Variants in HEATR4 observed in about 807,000 individuals in gnomAD.
HEATR4 encodes the protein HEAT repeat-containing protein 4.
Under a neutral mutation model 108.8 loss-of-function variants are expected in HEATR4, and 95 were observed. The ratio of observed to expected loss-of-function variants is 0.87; its 90% CI spans 0.74 to 1.04. The LOEUF is 1.04. Ranked by LOEUF, HEATR4 falls within the 50% of genes least tolerant of loss-of-function variation. HEATR4 has a pLI of 0.00. For missense variants in HEATR4, 1,152 were observed against 1,253.8 expected, an observed-to-expected ratio of 0.92 and a Z score of 1.23; for synonymous variants, 443 against 459.4, an observed-to-expected ratio of 0.96 and a Z score of 0.46.
chr14:73,500,681 G>C lies in HEATR4; in HGVS notation c.2155C>G (p.Leu719Val), dbSNP rs1886401404. ...GTCATAAGCTTGAGCTCACCTATCA[G>C]GTAGAGAGCTTCCACACGCTCCTGG... ...NSQERVEALY[L>V]IGELKLMTAK... The change falls in exon 12 of 18, where the codon CTG (leucine) becomes GTG (valine). Residue 719 changes from leucine (L) to valine (V), a missense_variant. Transcript: ENST00000553558. 3.1e-6 allele frequency: 5 copies of C among 1,614,030 alleles called. No individual in the cohort carries two copies. Among genetic ancestry groups the C allele is most frequent in the East Asian group, 2.2e-5 (1 of 44,904 alleles).
intron 2 of HEATR4, among the ~76,000 whole-genome samples, chr14:73,527,935 TG>T (rs1345324592): frequency 8.9e-6 from 1 of 111,952 alleles, no homozygotes; most frequent in African/African-American, 3.6e-5. Flanking sequence ...TACTCCAGCC[TG>T]GGTAACAGGG....
chr14:73,625,144 C>T, the HEATR4 span, among the ~76,000 whole-genome samples: 7 of 151,564 alleles, frequency 4.6e-5, no homozygotes, highest in Non-Finnish European at 2.9e-5. Context: ...CTGCAACCTC[C>T]GCCTCCTGGA....
At chr14:73,569,751 C>T in the HEATR4 span, 1 of 1,609,256 alleles carries the variant, frequency 6.2e-7, no homozygotes, top group Non-Finnish European at 8.5e-7. Flanking sequence ...GCTGGAGGTG[C>T]TGGATGGCCA....
chr14:73,580,115 C>T, the HEATR4 span, among the ~76,000 whole-genome samples: 2 of 151,936 alleles, frequency 1.3e-5, no homozygotes, highest in East Asian at 3.9e-4. Flanking sequence ...AAAAAGTATA[C>T]AAAGTGATGG....
intron 5 of HEATR4, among the ~76,000 whole-genome samples, chr14:73,516,876 C>T (rs1187528765): frequency 1.3e-5 from 2 of 152,212 alleles, no homozygotes; most frequent in Non-Finnish European, 2.9e-5. Context: ...ACCATTTCAT[C>T]CTCAAACCAT....
chr14:73,575,926 C>T, the HEATR4 span, among the ~76,000 whole-genome samples: 22 of 151,432 alleles, frequency 1.5e-4, no homozygotes, highest in Middle Eastern at 3.4e-3. Context: ...CTGAGGTGGG[C>T]GGATCACTTG....
At chr14:73,620,032 C>T in the HEATR4 span, 1 of 549,842 alleles carries the variant, frequency 1.8e-6, no homozygotes, top group East Asian at 3.3e-5. Context: ...CGACCTCAGA[C>T]TCCCGAGTAT....
chr14:73,561,266 C>G (rs968710132), upstream of HEATR4, among the ~76,000 whole-genome samples: 1 of 151,248 alleles, frequency 6.6e-6, no homozygotes, highest in African/African-American at 2.4e-5. Context: ...CTCAGGAGAC[C>G]GAGGCAGGAG....
the HEATR4 span, among the ~76,000 whole-genome samples, chr14:73,633,383 G>GT: frequency 6.6e-6 from 1 of 152,132 alleles, no homozygotes; most frequent in African/African-American, 2.4e-5. Context: ...CGCTGGGCTC[G>GT]TTTTAGGTCT....
At chr14:73,561,091 C>G (rs1195737828), upstream of HEATR4, among the ~76,000 whole-genome samples, 1 of 152,008 alleles carries the variant, frequency 6.6e-6, no homozygotes, top group African/African-American at 2.4e-5. Flanking sequence ...ATGGGCTGGG[C>G]GTGGTGGCTC....
intron 17 of HEATR4, chr14:73,491,165 A>C (rs1363565773): frequency 6.2e-7 from 1 of 1,603,982 alleles, no homozygotes; most frequent in African/African-American, 1.3e-5. Flanking sequence ...TGTATCCCGC[A>C]TGGCAGCGCT....
chr14:73,499,386 A>G (rs1040139252), intron 12 of HEATR4, among the ~76,000 whole-genome samples: 37 of 151,854 alleles, frequency 2.4e-4, no homozygotes, highest in African/African-American at 8.3e-4. Context: ...AGGCTGAGGT[A>G]GGAGAATTGC....
intron 17 of HEATR4, chr14:73,490,840 C>A: frequency 1.7e-6 from 1 of 588,312 alleles, no homozygotes; most frequent in Non-Finnish European, 2.5e-6. Flanking sequence ...CAGCTTGAAG[C>A]CAAACATTTA....
chr14:73,500,217 G>A (rs953545200), intron 12 of HEATR4, among the ~76,000 whole-genome samples: 2 of 151,908 alleles, frequency 1.3e-5, no homozygotes, highest in South Asian at 2.1e-4. Flanking sequence ...GTCACAGAGC[G>A]AGACTCCGTC....
chr14:73,606,920 T>C, the HEATR4 span, among the ~76,000 whole-genome samples: 4 of 152,172 alleles, frequency 2.6e-5, no homozygotes, highest in Non-Finnish European at 5.9e-5. Flanking sequence ...TTTTTAGAGC[T>C]AACTATAACA....
the HEATR4 span, among the ~76,000 whole-genome samples, chr14:73,632,593 C>T: frequency 1.1e-4 from 16 of 151,954 alleles, no homozygotes; most frequent in Admixed American, 9.2e-4. Flanking sequence ...CCTGTAATCC[C>T]AGCACTTTGG....
rs80239241 is a variant in HEATR4 at position 73,494,505 on chromosome 14, G to C, written c.2785+723C>G. Among the ~76,000 whole-genome samples, 3 of 152,198 alleles carry C rather than the reference G, an allele frequency of 2.0e-5. No homozygotes were observed. In the East Asian group the frequency reaches 5.8e-4, roughly 29 times the overall value. ...AGACATACACTAAGTAAAAATGATA[G>C]TTCTCCCTCCAACCCCACTTTCCAG... is the stretch of plus-strand genomic sequence containing the variant. On this transcript the variant is annotated intron_variant, in intron 16 of 17. Transcript: ENST00000553558.
At chr14:73,604,160 A>ATTTTT in the HEATR4 span, among the ~76,000 whole-genome samples, 9 of 91,434 alleles carry the variant, frequency 9.8e-5, no homozygotes, top group Admixed American at 1.5e-4. Context: ...TCATTTGCTA[A>ATTTTT]TTTCTTTTTT....
chr14:73,572,412 A>AAC, the HEATR4 span, among the ~76,000 whole-genome samples: 21,656 of 151,926 alleles, frequency 0.14, 2,322 homozygotes, highest in Non-Finnish European at 0.22. Context: ...ACCCTAGGAG[A>AAC]ACACATTCAG....
Sources: allele counts gnomAD v4.1 joint callset (sites outside exome capture counted in the v4.1 genomes callset), GRCh38; gene constraint gnomAD v4.1.1; transcripts MANE v1.5; gene names NCBI Gene and HGNC (gene_info 2026-07-23, HGNC 2026-07-21).